SPAG16: variants seen among roughly 807,000 people sequenced by gnomAD.
SPAG16 encodes sperm associated antigen 16.
SPAG16 carries 86 observed loss-of-function variants against 80.4 expected under a neutral mutation model. The observed-to-expected ratio is 1.07, with a 90% CI of 0.90 to 1.28. The LOEUF (loss-of-function observed/expected upper bound fraction) is 1.28, where lower values mean the gene tolerates loss of function less well. Among genes scored for constraint, SPAG16 ranks in the 50% most tolerant of loss-of-function variants. The pLI, the probability that SPAG16 is intolerant of heterozygous loss-of-function variation, is 0.00. For synonymous variants in SPAG16, 294 were observed against 265.9 expected, an observed-to-expected ratio of 1.11 and a Z score of -1.03; for missense variants, 870 against 765.3, an observed-to-expected ratio of 1.14 and a Z score of -1.61.
chr2:214,099,335 T>C (rs35453731), intron 13 of SPAG16, among the ~76,000 whole-genome samples: 14,227 of 152,148 alleles, frequency 0.094, 831 homozygotes, highest in East Asian at 0.28. Context: ...TTATGTTAAT[T>C]GCTTTACATA....
At chr2:214,124,069 A>T (rs1391516994) in intron 14 of SPAG16, among the ~76,000 whole-genome samples, 1 of 152,024 alleles carries the variant, frequency 6.6e-6, no homozygotes, top group Admixed American at 6.6e-5. Flanking sequence ...TTCATTGACT[A>T]GGAAGTGTCA....
chr2:213,338,507 A>G (rs1025738839), intron 5 of SPAG16, among the ~76,000 whole-genome samples: 1 of 152,204 alleles, frequency 6.6e-6, no homozygotes, highest in African/African-American at 2.4e-5. Flanking sequence ...TAATCCCATT[A>G]CTGGGTATAT....
rs181980127 is a variant in SPAG16, at chr2:213,926,079, A to T, written c.1215-3881A>T. Among the ~76,000 whole-genome samples, 109 of 152,140 alleles carry T rather than the reference A, an allele frequency of 7.2e-4. 2 individuals are homozygous for T. The highest frequency in any genetic ancestry group is 1.2e-4 in the Non-Finnish European group (8 of 67,992). On this transcript the variant is annotated intron_variant, in intron 11 of 15. Coordinates refer to ENST00000331683, the MANE Select transcript of SPAG16 (RefSeq NM_024532.5). ...TACATTCTCAACCCTTAATTCTTTGAATGTTACATCTATCTTTTATTTCCA... is the reference window on the plus strand; with the variant it reads ...TACATTCTCAACCCTTAATTCTTTGTATGTTACATCTATCTTTTATTTCCA...
At chr2:213,366,572 A>C (rs2066302366) in intron 8 of SPAG16, among the ~76,000 whole-genome samples, 2 of 152,122 alleles carry the variant, frequency 1.3e-5, no homozygotes, top group Admixed American at 1.3e-4. Context: ...AAACCATCAG[A>C]TCTTGTGAGA....
At chr2:213,514,520 G>A (rs1022414448) in intron 10 of SPAG16, among the ~76,000 whole-genome samples, 5 of 151,660 alleles carry the variant, frequency 3.3e-5, no homozygotes, top group African/African-American at 4.8e-5. Flanking sequence ...ACATTGTGCA[G>A]GTTAGTTACA....
intron 10 of SPAG16, among the ~76,000 whole-genome samples, chr2:213,658,317 C>G (rs1382515133): frequency 6.6e-6 from 1 of 152,094 alleles, no homozygotes; most frequent in East Asian, 1.9e-4. Context: ...TATCAACTTC[C>G]TCATAATCTA....
intron 10 of SPAG16, among the ~76,000 whole-genome samples, chr2:213,800,392 T>G (rs2071322041): frequency 6.8e-6 from 1 of 147,008 alleles, no homozygotes; most frequent in African/African-American, 2.6e-5. Context: ...TTCTTTCTTT[T>G]GTCTCACTCT....
chr2:214,338,258 G>A (rs1044677846), intron 15 of SPAG16, among the ~76,000 whole-genome samples: 2 of 152,186 alleles, frequency 1.3e-5, no homozygotes, highest in Admixed American at 6.5e-5. Context: ...GCTCACGCCT[G>A]TAATCCCAGC....
chr2:213,968,921 T>C (rs935131164), intron 12 of SPAG16, among the ~76,000 whole-genome samples: 1 of 152,224 alleles, frequency 6.6e-6, no homozygotes, highest in East Asian at 1.9e-4. Context: ...AAGTGTGACA[T>C]CTTACTGGAG....
rs528402689 is a variant in SPAG16, at chr2:213,756,875, T to C, written c.1071-105610T>C. ...ATGATGGCTTTGAGGCAGTTGATAG[T>C]AGATAGCTTTTTTAAAGAAGTGTTT... On this transcript the variant is annotated intron_variant, in intron 10 of 15. Transcript: ENST00000331683. 3.9e-5 allele frequency among the ~76,000 whole-genome samples: 6 copies of C among 152,348 alleles called. 1 individual carries two copies. The South Asian group carries it at 1.2e-3, about 32-fold the overall frequency.
intron 10 of SPAG16, among the ~76,000 whole-genome samples, chr2:213,774,095 T>C (rs2069421592): frequency 6.6e-6 from 1 of 152,188 alleles, no homozygotes; most frequent in Non-Finnish European, 1.5e-5. Context: ...TCATAGCTAT[T>C]TTGATGTTCT....
intron 6 of SPAG16, among the ~76,000 whole-genome samples, chr2:213,343,990 A>G (rs1253931776): frequency 1.3e-5 from 2 of 152,144 alleles, no homozygotes; most frequent in East Asian, 3.8e-4. Context: ...CAAATTATTT[A>G]CTCAGGAAGA....
At position 214,302,635 on chromosome 2, in the gene SPAG16, C is replaced by T. The variant is rs1035398661; in HGVS notation, c.1721-107505C>T. On this transcript the variant is annotated intron_variant, in intron 15 of 15. Coordinates refer to ENST00000331683, the MANE Select transcript of SPAG16 (RefSeq NM_024532.5). ...AGCTGGAATTATAGGTGTGCACCAC[C>T]GCACCCGGCTAATTTTTTTGTATTT... is the stretch of plus-strand genomic sequence containing the variant. 7.9e-5 allele frequency among the ~76,000 whole-genome samples: 12 copies of T among 152,178 alleles called. No homozygotes were observed. The East Asian group carries it at 9.7e-4, about 12-fold the overall frequency.
chr2:213,715,500 C>T (rs1279854804), intron 10 of SPAG16, among the ~76,000 whole-genome samples: 2 of 152,034 alleles, frequency 1.3e-5, no homozygotes, highest in African/African-American at 2.4e-5. Flanking sequence ...GTTCTAGCAC[C>T]GTGTGTATAT....
chr2:214,393,467 A>G (rs1701198158), intron 15 of SPAG16, among the ~76,000 whole-genome samples: 1 of 152,066 alleles, frequency 6.6e-6, no homozygotes, highest in African/African-American at 2.4e-5. Context: ...TTAAGTATGT[A>G]CTCAATGGAA....
chr2:214,372,170 A>C (rs1462525207), intron 15 of SPAG16, among the ~76,000 whole-genome samples: 1 of 152,152 alleles, frequency 6.6e-6, no homozygotes, highest in Admixed American at 6.5e-5. Flanking sequence ...TTTACACAGG[A>C]GATTTGATGT....
At chr2:214,341,415 C>T (rs1015464420) in intron 15 of SPAG16, among the ~76,000 whole-genome samples, 1 of 152,146 alleles carries the variant, frequency 6.6e-6, no homozygotes, top group Non-Finnish European at 1.5e-5. Flanking sequence ...TCACTGAAAA[C>T]TCAGCATATT....
At chr2:214,386,871 A>G (rs1031815614) in intron 15 of SPAG16, among the ~76,000 whole-genome samples, 6 of 38,408 alleles carry the variant, frequency 1.6e-4, no homozygotes, top group African/African-American at 5.3e-4. Context: ...TCTCAAAAAA[A>G]GAGAAAAAAA....
At chr2:213,452,535 G>A (rs1247205891) in intron 9 of SPAG16, among the ~76,000 whole-genome samples, 3 of 152,194 alleles carry the variant, frequency 2.0e-5, no homozygotes, top group Non-Finnish European at 2.9e-5. Context: ...TTTGTTGGGA[G>A]TATTACAATA....
Sources: allele counts gnomAD v4.1 joint callset (sites outside exome capture counted in the v4.1 genomes callset), GRCh38; gene constraint gnomAD v4.1.1; transcripts MANE v1.5; gene names NCBI Gene and HGNC (gene_info 2026-07-23, HGNC 2026-07-21).